ATXN1: variants seen among roughly 807,000 people sequenced by gnomAD.
ATXN1 encodes the protein ataxin-1.
ATXN1 carries 8 observed loss-of-function variants against 56.4 expected under a neutral mutation model. The observed-to-expected ratio is 0.14, with a 90% CI of 0.08 to 0.26. The LOEUF (loss-of-function observed/expected upper bound fraction) is 0.26. Among genes scored for constraint, ATXN1 ranks in the 10% least tolerant of loss-of-function variants. The pLI is 1.00. For missense variants in ATXN1, 987 were observed against 1,106.5 expected (o/e 0.89, Z 1.53); for synonymous variants, 514 against 494.6 (o/e 1.04, Z -0.52).
intron 3 of ATXN1, among the ~76,000 whole-genome samples, chr6:16,626,447 A>G (rs2299074): frequency 0.029 from 4,401 of 152,086 alleles, 78 homozygotes; most frequent in South Asian, 0.075. Flanking sequence ...ACGCACCACC[A>G]TGCCCAGCTA....
At chr6:16,342,145 C>A (rs988525534) in intron 6 of ATXN1, among the ~76,000 whole-genome samples, 16 of 151,316 alleles carry the variant, frequency 1.1e-4, no homozygotes, top group Admixed American at 7.9e-4. Context: ...GGCCTCCCAA[C>A]GTGCTGGGAT....
chr6:16,420,007 T>G (rs1010109297), intron 6 of ATXN1, among the ~76,000 whole-genome samples: 1 of 152,178 alleles, frequency 6.6e-6, no homozygotes, highest in African/African-American at 2.4e-5. Context: ...AGACTGGGGA[T>G]GGGGAGGACA....
intron 3 of ATXN1, among the ~76,000 whole-genome samples, chr6:16,617,193 A>G (rs1763230552): frequency 6.6e-6 from 1 of 152,180 alleles, no homozygotes; most frequent in African/African-American, 2.4e-5. Flanking sequence ...TAAAGAAAAC[A>G]AGAACTGCTC....
At chr6:16,674,438 C>T (rs1014422824) in intron 2 of ATXN1, among the ~76,000 whole-genome samples, 2 of 150,724 alleles carry the variant, frequency 1.3e-5, no homozygotes, top group Non-Finnish European at 2.9e-5. Context: ...CAAGCTCCGC[C>T]TCATGGGTTC....
chr6:16,463,533 T>C (rs1760041347), intron 6 of ATXN1, among the ~76,000 whole-genome samples: 1 of 152,164 alleles, frequency 6.6e-6, no homozygotes, highest in African/African-American at 2.4e-5. Flanking sequence ...ACAAAATCTA[T>C]CCTTACTCTG....
At chr6:16,488,558 T>C (rs1760596106) in intron 5 of ATXN1, among the ~76,000 whole-genome samples, 1 of 152,202 alleles carries the variant, frequency 6.6e-6, no homozygotes, top group Non-Finnish European at 1.5e-5. Context: ...ATCTGAAGTG[T>C]TTTCTTCTTC....
intron 6 of ATXN1, among the ~76,000 whole-genome samples, chr6:16,464,340 G>C (rs955207563): frequency 1.3e-5 from 2 of 152,026 alleles, no homozygotes; most frequent in Non-Finnish European, 2.9e-5. Flanking sequence ...CAATCGCAGG[G>C]AGGATTGAAA....
intron 3 of ATXN1, among the ~76,000 whole-genome samples, chr6:16,614,717 G>GT (rs1361986128): frequency 6.6e-6 from 1 of 151,604 alleles, no homozygotes; most frequent in African/African-American, 2.4e-5. Context: ...GAGGTCAGGA[G>GT]TTTGAGACCA....
At chr6:16,483,222 T>G (rs1287128185) in intron 6 of ATXN1, among the ~76,000 whole-genome samples, 1 of 152,008 alleles carries the variant, frequency 6.6e-6, no homozygotes, top group Non-Finnish European at 1.5e-5. Context: ...AGGCAGTTAA[T>G]GGGACATGCA....
In ATXN1 at chr6:16,750,686, C is replaced by T. The variant is rs1760683827; in HGVS notation, c.-615+2547G>A. On this transcript the variant is annotated intron_variant, in intron 2 of 7. Transcript: ENST00000436367. Reference sequence around the variant, plus strand: ...CCTAACATATTATAAAAACCTAGGTCTCTTCTCAATAAGCTGCCCATATTG... The same window carrying T: ...CCTAACATATTATAAAAACCTAGGTTTCTTCTCAATAAGCTGCCCATATTG... 2.0e-5 allele frequency among the ~76,000 whole-genome samples: 3 copies of T among 152,278 alleles called. No individual in the cohort carries two copies. The South Asian group carries it at 6.2e-4, about 32-fold the overall frequency.
intron 6 of ATXN1, among the ~76,000 whole-genome samples, chr6:16,352,371 A>G (rs1291582937): frequency 6.6e-6 from 1 of 152,230 alleles, no homozygotes; most frequent in African/African-American, 2.4e-5. Flanking sequence ...ACAGCCAGGC[A>G]TGAGTAATGC....
chr6:16,308,910 T>C (rs1289886728), intron 7 of ATXN1, among the ~76,000 whole-genome samples: 1 of 152,048 alleles, frequency 6.6e-6, no homozygotes, highest in Non-Finnish European at 1.5e-5. Flanking sequence ...AGAATTTTGA[T>C]AGGAAACTAG....
intron 6 of ATXN1, among the ~76,000 whole-genome samples, chr6:16,383,213 T>C (rs868687879): frequency 4.6e-5 from 7 of 152,322 alleles, no homozygotes; most frequent in Middle Eastern, 3.4e-3. Context: ...CCTTAGATGG[T>C]GAGGAAAGAG....
At chr6:16,639,214 A>G (rs1763658415) in intron 3 of ATXN1, among the ~76,000 whole-genome samples, 1 of 152,196 alleles carries the variant, frequency 6.6e-6, no homozygotes, top group Non-Finnish European at 1.5e-5. Flanking sequence ...GTCCCCTTCC[A>G]CGCTGTGGAA....
At chr6:16,376,782 A>G (rs185053944) in intron 6 of ATXN1, among the ~76,000 whole-genome samples, 12 of 152,300 alleles carry the variant, frequency 7.9e-5, no homozygotes, top group South Asian at 4.1e-4. Context: ...CTTCTTTTAA[A>G]CCTAATGTTG....
intron 6 of ATXN1, among the ~76,000 whole-genome samples, chr6:16,341,447 G>A (rs1284141826): frequency 1.3e-5 from 2 of 151,664 alleles, no homozygotes; most frequent in East Asian, 3.9e-4. Context: ...GACCACCACT[G>A]GCATTTTAGG....
chr6:16,447,398 A>C (rs940516521), intron 6 of ATXN1, among the ~76,000 whole-genome samples: 4 of 151,848 alleles, frequency 2.6e-5, no homozygotes, highest in Admixed American at 6.6e-5. Context: ...TAATTTTTGT[A>C]TTTTTAGTAG....
chr6:16,415,292 C>G (rs546019706), intron 6 of ATXN1, among the ~76,000 whole-genome samples: 53 of 152,170 alleles, frequency 3.5e-4, no homozygotes, highest in African/African-American at 1.0e-3. Context: ...TGAAATGGTG[C>G]GATCTCGGCT....
At chr6:16,649,078 C>A (rs1163492931) in intron 3 of ATXN1, among the ~76,000 whole-genome samples, 1 of 151,966 alleles carries the variant, frequency 6.6e-6, no homozygotes, top group East Asian at 1.9e-4. Flanking sequence ...CATAAAATTC[C>A]ATTCTGAATT....
Sources: allele counts gnomAD v4.1 joint callset (sites outside exome capture counted in the v4.1 genomes callset), GRCh38; gene constraint gnomAD v4.1.1; transcripts MANE v1.5; gene names NCBI Gene and HGNC (gene_info 2026-07-23, HGNC 2026-07-21).